The following EPN3 variants were observed in gnomAD, a reference collection of about 807,000 sequenced individuals.
The protein encoded by EPN3 is epsin 3.
In EPN3, 56 loss-of-function variants were observed where a neutral mutation model predicts 55.5. The ratio of observed to expected loss-of-function variants is 1.01; its 90% CI spans 0.81 to 1.26. The LOEUF (loss-of-function observed/expected upper bound fraction) is 1.26, where lower values mean the gene tolerates loss of function less well. EPN3 is among the 50% of genes most tolerant of loss of function. The pLI is 0.00. For missense variants in EPN3, 927 were observed against 853.4 expected, an observed-to-expected ratio of 1.09 and a Z score of -1.07; for synonymous variants, 449 against 375.2, an observed-to-expected ratio of 1.20 and a Z score of -2.27.
chr17:50,538,269 G>A, intron 3 of EPN3, 72 bp downstream of exon 3: 2 of 1,253,920 alleles, frequency 1.6e-6, no homozygotes, highest in Non-Finnish European at 2.3e-6. Context: ...GAGCCCCTTG[G>A]CCTTGACTCA....
At chr17:50,536,274 G>A in intron 1 of EPN3, 147 bp from the exon 2 acceptor site, 1 of 529,756 alleles carries the variant, frequency 1.9e-6, no homozygotes, top group Non-Finnish European at 3.2e-6. Context: ...AGTGCCTGCT[G>A]AATTGTAAGT....
rs1368846934 is a variant in EPN3, at chr17:50,537,846, C to T, written c.563-233C>T. ...CCTGCTTCAGGAACCTGGTCAGGGGCCCTAAGTGCCGCCTGTGCATCTGCT... is the reference window on the plus strand; with the variant it reads ...CCTGCTTCAGGAACCTGGTCAGGGGTCCTAAGTGCCGCCTGTGCATCTGCT... On this transcript the variant is annotated intron_variant, in intron 2 of 9. Coordinates refer to ENST00000268933, the MANE Select transcript of EPN3 (RefSeq NM_017957.3). 19 of 484,714 alleles carry T rather than the reference C, an allele frequency of 3.9e-5. 1 individual carries two copies. The highest frequency in any genetic ancestry group is 5.8e-5 in the Non-Finnish European group (16 of 275,414). 30.0% of individuals were successfully genotyped at this position (484,714 alleles called of 1,614,324 possible).
chr17:50,540,034 C>T (rs539270087), intron 5 of EPN3, among the ~76,000 whole-genome samples: 29 of 152,322 alleles, frequency 1.9e-4, no homozygotes, highest in African/African-American at 6.7e-4. Flanking sequence ...ATCATCTGCC[C>T]TACCTACCTC....
intron 1 of EPN3, among the ~76,000 whole-genome samples, chr17:50,534,085 CTG>C (rs2034722442): frequency 1.1e-4 from 3 of 27,040 alleles, no homozygotes; most frequent in African/African-American, 9.7e-4. Context: ...CCTCCCTTCT[CTG>C]CGCTTGGGCA....
chr17:50,542,091 G>A lies in EPN3; in HGVS notation c.1833G>A (p.Leu611=), dbSNP rs917805135. The A allele has an allele frequency of 2.5e-6, 4 of 1,569,110 alleles. No homozygotes were observed. Among genetic ancestry groups the A allele is most frequent in the African/African-American group, 2.8e-5 (2 of 71,806 alleles). ...QAGAFAPQPL[L]PTPSSAGPRP... ...GAGCCTTCGCACCGCAGCCGCTGCT[G>A]CCCACGCCGAGCTCAGCCGGGCCGC... Residue 611 remains leucine, a synonymous_variant, in exon 10 of 10, where the codon CTG becomes CTA. Coordinates refer to ENST00000268933, the MANE Select transcript of EPN3 (RefSeq NM_017957.3).
rs763507290 is a variant in EPN3 at position 50,541,618 on chromosome 17, A to G, written c.1509A>G (p.Ser503=). 1 of 1,614,150 alleles carries G rather than the reference A, an allele frequency of 6.2e-7. No homozygotes were observed. The highest frequency in any genetic ancestry group is 8.5e-7 in the Non-Finnish European group (1 of 1,180,030). Residue 503 remains serine, a synonymous_variant, in exon 9 of 10, where the codon TCA becomes TCG. Transcript: ENST00000268933. The stretch of plus-strand genomic sequence containing the variant: ...CTCCCGAGTCCTTCCTGGGTCCCTC[A>G]GCTTCCTCCTTGGTCAACCTTGACT... ...CRTPESFLGP[S]ASSLVNLDSL...
At chr17:50,538,762 G>A (rs2144034546) in intron 3 of EPN3, 122 bp from the exon 4 acceptor site, 2 of 659,984 alleles carry the variant, frequency 3.0e-6, no homozygotes, top group Non-Finnish European at 2.5e-6. Context: ...GCGGCAAATG[G>A]CCCATGCACA....
rs751033753 is a variant in EPN3, at chr17:50,541,530, T to G, written c.1421T>G (p.Leu474Arg). ...AATGGCACGAAGGAGCCAGATGCCC[T>G]GGACCTGGGCATACTAGGGGAAGCA... ...KQNGTKEPDA[L>R]DLGILGEALT... The change falls in exon 9 of 10, where the codon CTG becomes CGG. Residue 474 changes from leucine (L) to arginine (R), a missense_variant. Physicochemically the swap from Leu to Arg is moderately radical, Grantham distance 102 (BLOSUM62 -2). Transcript: ENST00000268933. 5.0e-6 allele frequency: 8 copies of G among 1,614,150 alleles called. No homozygotes were observed. The highest frequency in any genetic ancestry group is 2.2e-5 in the South Asian group (2 of 91,082).
chr17:50,541,198 A>G (rs1270419381), intron 7 of EPN3, 31 bp from the exon 8 acceptor site: 2 of 1,612,304 alleles, frequency 1.2e-6, no homozygotes, highest in South Asian at 1.1e-5. Flanking sequence ...CTTTTTGTCA[A>G]CCCATCTCCT....
intron 2 of EPN3, chr17:50,537,353 T>C: frequency 1.8e-6 from 1 of 570,246 alleles, no homozygotes. Context: ...CCTGATAGGA[T>C]GGCGCGATAG....
chr17:50,539,731 AT>A (rs2144036493), intron 5 of EPN3, among the ~76,000 whole-genome samples: 1 of 152,328 alleles, frequency 6.6e-6, no homozygotes, highest in South Asian at 2.1e-4. Flanking sequence ...GCTCATGGAC[AT>A]ATTTTCTCCG....
Position 50,536,939 on chromosome 17 carries a change from A to T in EPN3, c.383A>T (p.Lys128Met), listed in dbSNP as rs1029818754. Residue 128 changes from lysine (K) to methionine (M), a missense_variant, in exon 2 of 10, where the codon AAG (lysine) becomes ATG (methionine). By Grantham distance (95) the Lys-to-Met change is moderately conservative. Coordinates refer to ENST00000268933, the MANE Select transcript of EPN3 (RefSeq NM_017957.3). Reference protein sequence around the residue: ...DQGVNVREKVKQVMALLKDEE... With the variant: ...DQGVNVREKVMQVMALLKDEE... ...GGCGTCAACGTGCGCGAGAAGGTCA[A>T]GCAGGTGATGGCCCTGCTCAAGGAT... 8 of 1,614,032 alleles carry T rather than the reference A, an allele frequency of 5.0e-6. No homozygotes were observed. Among genetic ancestry groups the T allele is most frequent in the Non-Finnish European group, 5.1e-6 (6 of 1,180,060 alleles).
rs1284105301 is a variant in EPN3, at chr17:50,532,865, T to G, written c.-257T>G. The G allele has an allele frequency of 7.8e-7, 1 of 1,284,746 alleles. No individual in the cohort carries two copies. The highest frequency in any genetic ancestry group is 5.7e-5 in the East Asian group (1 of 17,478). 79.6% of individuals were successfully genotyped at this position (1,284,746 alleles called of 1,614,324 possible). On this transcript the variant is annotated 5_prime_UTR_variant, in exon 1 of 10. Transcript: ENST00000268933. ...AGCAGGTGGGTCTCTGGGACGAGGG[T>G]CCATGGTGGATGGCTCTGGAGACGC...
chr17:50,534,300 G>C, intron 1 of EPN3: 1 of 581,648 alleles, frequency 1.7e-6, no homozygotes, highest in Non-Finnish European at 2.2e-6. Flanking sequence ...TGTGAGAAAG[G>C]TCCAGGCAGG....
chr17:50,541,788 C>T, intron 9 of EPN3, 56 bp from the exon 10 acceptor site: 1 of 1,608,322 alleles, frequency 6.2e-7, no homozygotes, highest in South Asian at 1.1e-5. Context: ...ACTTCCACGA[C>T]CTCCCGGTGT....
chr17:50,540,347 G>T lies in EPN3; in HGVS notation c.979+13G>T. The T allele has an allele frequency of 6.2e-7, 1 of 1,603,026 alleles. No homozygotes were observed. The highest frequency in any genetic ancestry group is 8.5e-7 in the Non-Finnish European group (1 of 1,175,902). ...TGGGACATCCCAGGTGGGCATGCAGGGCTGCAAGAGACTTCCAGGCTGGCC... is the reference window on the plus strand; with the variant it reads ...TGGGACATCCCAGGTGGGCATGCAGTGCTGCAAGAGACTTCCAGGCTGGCC... On this transcript the variant is annotated intron_variant, in intron 6 of 9. Transcript: ENST00000268933.
chr17:50,541,029 T>TGGG lies in EPN3; in HGVS notation c.1218_1220dup (p.Gly407dup). On this transcript the variant is annotated inframe_insertion, in exon 7 of 10. Coordinates refer to ENST00000268933, the MANE Select transcript of EPN3 (RefSeq NM_017957.3). The stretch of plus-strand genomic sequence containing the variant: ...ACTCCCCAGCACTGGGGCTGACCCT[T>TGGG]GGGGAGCCTCCCTGGAGACCTCCGA... 6.3e-7 allele frequency: 1 copy of TGGG among 1,593,954 alleles called. No individual in the cohort carries two copies. Among genetic ancestry groups the TGGG allele is most frequent in the Non-Finnish European group, 8.5e-7 (1 of 1,169,968 alleles).
At position 50,536,530 on chromosome 17, in the gene EPN3, G is replaced by A; in HGVS notation, c.-27G>A. 1 of 1,612,554 alleles carries A rather than the reference G, an allele frequency of 6.2e-7. No homozygotes were observed. Among genetic ancestry groups the A allele is most frequent in the Non-Finnish European group, 8.5e-7 (1 of 1,179,976 alleles). On this transcript the variant is annotated 5_prime_UTR_variant, in exon 2 of 10. Transcript: ENST00000268933. The stretch of plus-strand genomic sequence containing the variant: ...AGCCCTCCACCTCCGGCGGGGGCGA[G>A]GGCCACCCACCTCCAAGTCTCCAGC...
Position 50,540,348 on chromosome 17 carries a change from G to A in EPN3, c.979+14G>A, listed in dbSNP as rs1164309351. 1 of 1,602,976 alleles carries A rather than the reference G, an allele frequency of 6.2e-7. No individual in the cohort carries two copies. Among genetic ancestry groups the A allele is most frequent in the African/African-American group, 1.3e-5 (1 of 74,874 alleles). On this transcript the variant is annotated intron_variant, in intron 6 of 9. Transcript: ENST00000268933. ...GGGACATCCCAGGTGGGCATGCAGG[G>A]CTGCAAGAGACTTCCAGGCTGGCCC... is the stretch of plus-strand genomic sequence containing the variant.
Sources: allele counts gnomAD v4.1 joint callset (sites outside exome capture counted in the v4.1 genomes callset), GRCh38; gene constraint gnomAD v4.1.1; transcripts MANE v1.5; gene names NCBI Gene and HGNC (gene_info 2026-07-23, HGNC 2026-07-21).